Variants in GFPT2 observed in about 807,000 individuals in gnomAD.
GFPT2 encodes the protein glutamine--fructose-6-phosphate transaminase 2, also known as glutamine--fructose-6-phosphate aminotransferase [isomerizing] 2.
Under a neutral mutation model 85.6 loss-of-function variants are expected in GFPT2, and 62 were observed. The ratio of observed to expected loss-of-function variants is 0.72; its 90% CI spans 0.59 to 0.90. The LOEUF (loss-of-function observed/expected upper bound fraction) is 0.90, where lower values mean the gene tolerates loss of function less well. Among genes scored for constraint, GFPT2 ranks in the 40% least tolerant of loss-of-function variants. The pLI, the probability that GFPT2 is intolerant of heterozygous loss-of-function variation, is 0.00. For missense variants in GFPT2, 788 were observed against 893.4 expected (o/e 0.88, Z 1.50); for synonymous variants, 368 against 344.5 (o/e 1.07, Z -0.75).
At chr5:180,350,655 G>C (rs550690381) in intron 1 of GFPT2, among the ~76,000 whole-genome samples, 1 of 152,128 alleles carries the variant, frequency 6.6e-6, no homozygotes, top group Admixed American at 6.6e-5. Context: ...AGACAGGGAG[G>C]AAATATTGTA....
At chr5:180,314,413 CCT>C (rs1387114800) in intron 13 of GFPT2, among the ~76,000 whole-genome samples, 12 of 152,280 alleles carry the variant, frequency 7.9e-5, no homozygotes, top group African/African-American at 2.9e-4. Flanking sequence ...TCAGCTAGAT[CCT>C]GTTTGAAAGG....
intron 10 of GFPT2, among the ~76,000 whole-genome samples, chr5:180,317,622 A>G (rs369648917): frequency 2.5e-4 from 37 of 145,216 alleles, no homozygotes; most frequent in Middle Eastern, 3.5e-3. Flanking sequence ...AGCCGGGCGT[A>G]GTGGCGGGCG....
chr5:180,304,743 G>A (rs201814158), intron 17 of GFPT2, 29 bp downstream of exon 17: 1 of 1,592,338 alleles, frequency 6.3e-7, no homozygotes, highest in Non-Finnish European at 8.6e-7. Flanking sequence ...GCAGGAGAGA[G>A]CTGGCCCAGT....
Position 180,330,956 on chromosome 5 carries a change from G to C in GFPT2, c.400-122C>G. 1.2e-6 allele frequency: 1 copy of C among 838,890 alleles called. No homozygotes were observed. Among genetic ancestry groups the C allele is most frequent in the Non-Finnish European group, 1.8e-6 (1 of 544,328 alleles). 52.0% of individuals were successfully genotyped at this position (838,890 alleles called of 1,614,324 possible). A position where few individuals can be genotyped will look rare whatever the true frequency, so the allele number is the denominator to read the frequency against. On this transcript the variant is annotated intron_variant, in intron 5 of 18. Coordinates refer to ENST00000253778, the MANE Select transcript of GFPT2 (RefSeq NM_005110.4). The surrounding 1 kb of genome is among the most constrained non-coding windows in gnomAD (Gnocchi z 4.4). The stretch of plus-strand genomic sequence containing the variant: ...ACTTAAGTCAAGAACAGGGAAAACC[G>C]GGAAGGGGGGAAAAATGTTTGCCAG...
At chr5:180,310,382 C>T (rs1036666677) in intron 15 of GFPT2, among the ~76,000 whole-genome samples, 2 of 151,644 alleles carry the variant, frequency 1.3e-5, no homozygotes, top group Admixed American at 6.6e-5. Context: ...AGATTACAGG[C>T]GTGAGCCACT....
chr5:180,324,120 G>T, intron 9 of GFPT2, 68 bp downstream of exon 9: 1 of 869,734 alleles, frequency 1.1e-6, no homozygotes, highest in Non-Finnish European at 1.9e-6. Flanking sequence ...AATAAGAACC[G>T]GCAGTGTTTA....
Position 180,307,290 on chromosome 5 carries a change from T to G in GFPT2, c.1560A>C (p.Glu520Asp), listed in dbSNP as rs372147122. 75 of 1,613,974 alleles carry G rather than the reference T, an allele frequency of 4.6e-5. No individual in the cohort carries two copies. The highest frequency in any genetic ancestry group is 5.7e-5 in the Non-Finnish European group (67 of 1,179,878). ...GGATCTTCTCCTCCAGAGACAGCAC[T>G]TCCTTGATCAGCTCTGGGCCATGCA... ...GLRSLPELIK[E>D]VLSLEEKIHD... Residue 520 changes from glutamate to aspartate, a missense_variant, in exon 16 of 19, where the codon GAA becomes GAC. Glu to Asp is a conservative substitution (Grantham distance 45). Transcript: ENST00000253778.
At chr5:180,309,312 T>A (rs1226123171) in intron 15 of GFPT2, among the ~76,000 whole-genome samples, 1 of 152,256 alleles carries the variant, frequency 6.6e-6, no homozygotes, top group East Asian at 1.9e-4. Context: ...ATGCGTCAGC[T>A]GATTTTTCAT....
At position 180,316,414 on chromosome 5, in the gene GFPT2, T is replaced by C. The variant is rs766175867; in HGVS notation, c.1200A>G (p.Glu400=). 6.2e-6 allele frequency: 10 copies of C among 1,613,840 alleles called. No individual in the cohort carries two copies. The Admixed American group carries it at 1.5e-4, about 24-fold the overall frequency. Residue 400 remains glutamate, a synonymous_variant, in exon 13 of 19, where the codon GAA becomes GAG. Transcript: ENST00000253778. Reference sequence around the variant, plus strand: ...TCCTGTCCAGAAAATCACTAGCAAGTTCAACCATCACAGGAAGCTCAGTCA... The same window carrying C: ...TCCTGTCCAGAAAATCACTAGCAAGCTCAACCATCACAGGAAGCTCAGTCA... ...EELTELPVMV[E]LASDFLDRNT...
chr5:180,321,104 G>A (rs1051205177), intron 9 of GFPT2, among the ~76,000 whole-genome samples: 1 of 151,366 alleles, frequency 6.6e-6, no homozygotes, highest in Admixed American at 6.6e-5. Flanking sequence ...CGTATGCTTT[G>A]TATAAAAGTG....
intron 17 of GFPT2, among the ~76,000 whole-genome samples, chr5:180,303,334 G>A (rs1763716538): frequency 6.6e-6 from 1 of 152,194 alleles, no homozygotes; most frequent in Non-Finnish European, 1.5e-5. Flanking sequence ...TCAAAAACAG[G>A]AGACATCTGG....
intron 1 of GFPT2, among the ~76,000 whole-genome samples, chr5:180,351,289 G>GC (rs1764706038): frequency 6.6e-6 from 1 of 152,200 alleles, no homozygotes; most frequent in African/African-American, 2.4e-5. Flanking sequence ...GGATACTTAA[G>GC]CAAGTGTCAG....
chr5:180,339,083 A>C (rs1002207776), intron 1 of GFPT2, among the ~76,000 whole-genome samples: 5 of 152,112 alleles, frequency 3.3e-5, no homozygotes, highest in Non-Finnish European at 7.4e-5. Context: ...CTTGACCTTA[A>C]ATAAGCACTA....
intron 1 of GFPT2, among the ~76,000 whole-genome samples, chr5:180,345,903 T>G (rs529736295): frequency 6.6e-6 from 1 of 151,974 alleles, no homozygotes; most frequent in Non-Finnish European, 1.5e-5. Context: ...ACCCTTACAA[T>G]GGGAGCACGG....
At position 180,301,507 on chromosome 5, in the gene GFPT2, T is replaced by C; in HGVS notation, c.*57A>G. The C allele has an allele frequency of 7.2e-7, 1 of 1,391,056 alleles. No individual in the cohort carries two copies. The highest frequency in any genetic ancestry group is 1.0e-6 in the Non-Finnish European group (1 of 976,162). The allele number at this position is 1,391,056 out of a possible 1,614,324, so 86.2% of individuals were successfully genotyped here. A position where few individuals can be genotyped will look rare whatever the true frequency, so the allele number is the denominator to read the frequency against. Reference sequence around the variant, plus strand: ...CTCTTCCCATGTAGCATCCCTGCTGTTGGGACAGGTCTGGAATCAGATGAA... The same window carrying C: ...CTCTTCCCATGTAGCATCCCTGCTGCTGGGACAGGTCTGGAATCAGATGAA... On this transcript the variant is annotated 3_prime_UTR_variant, in exon 19 of 19. Transcript: ENST00000253778.
intron 7 of GFPT2, among the ~76,000 whole-genome samples, chr5:180,325,924 C>G (rs1443104812): frequency 1.3e-5 from 2 of 152,152 alleles, no homozygotes; most frequent in African/African-American, 4.8e-5. Context: ...ACTCTGGAGG[C>G]TGAGACAAGA....
At chr5:180,352,394 C>T (rs1764728052) in intron 1 of GFPT2, 2 of 454,230 alleles carry the variant, frequency 4.4e-6, no homozygotes, top group African/African-American at 4.0e-5. Flanking sequence ...CAGAAGTTCC[C>T]GGCTCTCTCC....
In GFPT2 at chr5:180,328,200, C is replaced by T. The variant is rs1365899768; in HGVS notation, c.596+77G>A. 4.5e-6 allele frequency: 5 copies of T among 1,116,068 alleles called. No homozygotes were observed. The highest frequency in any genetic ancestry group is 6.9e-6 in the Non-Finnish European group (5 of 727,588). The allele number at this position is 1,116,068 out of a possible 1,614,324, so 69.1% of individuals were successfully genotyped here. On this transcript the variant is annotated intron_variant, in intron 7 of 18. Coordinates refer to ENST00000253778, the MANE Select transcript of GFPT2 (RefSeq NM_005110.4). The surrounding 1 kb of genome is among the most constrained non-coding windows in gnomAD (Gnocchi z 5.4). Reference sequence around the variant, plus strand: ...ACCTTTCAGCGTGCCACAGGCCCTACCTCTCCCGTCTCCCTCCAGCTAAGT... The same window carrying T: ...ACCTTTCAGCGTGCCACAGGCCCTATCTCTCCCGTCTCCCTCCAGCTAAGT...
rs1764404952 is a variant in GFPT2 at position 180,336,514 on chromosome 5, C to T, written c.179G>A (p.Arg60Lys). 6.2e-7 allele frequency: 1 copy of T among 1,611,306 alleles called. No homozygotes were observed. Among genetic ancestry groups the T allele is most frequent in the Non-Finnish European group, 8.5e-7 (1 of 1,177,364 alleles). The change falls in exon 3 of 19, where the codon AGG becomes AAG. Residue 60 changes from arginine (R) to lysine (K), a missense_variant. Transcript: ENST00000253778. ...KERHIQLVKK[R>K]GKVKALDEEL... is the part of the protein sequence containing the mutation. ...TTCATCGAGAGCCTTGACTTTCCCC[C>T]TTTTCTTGACCAGCTGAATGTGTCT...
Sources: allele counts gnomAD v4.1 joint callset (sites outside exome capture counted in the v4.1 genomes callset), GRCh38; gene constraint gnomAD v4.1.1; non-coding constraint Gnocchi (gnomAD v3.1); transcripts MANE v1.5; gene names NCBI Gene and HGNC (gene_info 2026-07-23, HGNC 2026-07-21).